MFHAS1: variants seen among roughly 807,000 people sequenced by gnomAD.
MFHAS1 encodes the protein malignant fibrous histiocytoma-amplified sequence 1.
In MFHAS1, 50 loss-of-function variants were observed where a neutral mutation model predicts 70.4. That is an observed-to-expected ratio of 0.71 (90% CI 0.57 to 0.90). The LOEUF is 0.90. MFHAS1 is among the 40% of genes least tolerant of loss of function. MFHAS1 has a pLI of 0.00. For synonymous variants in MFHAS1, 952 were observed against 620.0 expected (o/e 1.54, Z -7.96); for missense variants, 1,795 against 1,347.6 (o/e 1.33, Z -5.20).
intron 1 of MFHAS1, among the ~76,000 whole-genome samples, chr8:8,850,203 C>A (rs1326886297): frequency 2.0e-5 from 3 of 152,200 alleles, no homozygotes; most frequent in East Asian, 1.9e-4. Flanking sequence ...ACCTACACCC[C>A]TTGTAAACTA....
At chr8:8,790,519 T>A in intron 2 of MFHAS1, 1 of 319,906 alleles carries the variant, frequency 3.1e-6, no homozygotes, top group Non-Finnish European at 4.5e-6. Flanking sequence ...CCTAGCTTGT[T>A]AAAACAGCAA....
At chr8:8,835,645 C>A (rs1402007054) in intron 1 of MFHAS1, among the ~76,000 whole-genome samples, 1 of 152,212 alleles carries the variant, frequency 6.6e-6, no homozygotes, top group African/African-American at 2.4e-5. Flanking sequence ...AAGCTTTTCT[C>A]TCTCACTTCC....
intron 2 of MFHAS1, among the ~76,000 whole-genome samples, chr8:8,791,979 C>G (rs564847777): frequency 1.3e-5 from 2 of 152,146 alleles, no homozygotes; most frequent in African/African-American, 4.8e-5. Context: ...CGGTGGCTCA[C>G]GCCTGTAATC....
chr8:8,811,055 G>C (rs1215303608), intron 1 of MFHAS1, among the ~76,000 whole-genome samples: 2 of 151,908 alleles, frequency 1.3e-5, no homozygotes, highest in Non-Finnish European at 2.9e-5. Flanking sequence ...ATAATATCTC[G>C]CGCAGGCAGA....
chr8:8,797,304 A>C (rs1805938546), intron 2 of MFHAS1, 61 bp downstream of exon 2: 7 of 1,583,946 alleles, frequency 4.4e-6, no homozygotes, highest in Admixed American at 1.7e-5. Flanking sequence ...TTTTGTGGTC[A>C]TATCTATGGA....
chr8:8,797,486 A>G lies in MFHAS1; in HGVS notation c.3004T>C (p.Leu1002=). 16 of 1,613,370 alleles carry G rather than the reference A, an allele frequency of 9.9e-6. No homozygotes were observed. Among genetic ancestry groups the G allele is most frequent in the Non-Finnish European group, 1.4e-5 (16 of 1,179,580 alleles). ...SPNPHAFPGE[L]LSQPRPEGVA... Reference sequence around the variant, plus strand: ...CCTTCCGGTCTGGGCTGACTCAGCAACTCCCCTGTAGGAGGAGAGAGAAAA... The same window carrying G: ...CCTTCCGGTCTGGGCTGACTCAGCAGCTCCCCTGTAGGAGGAGAGAGAAAA... Residue 1002 remains leucine, a synonymous_variant, in exon 2 of 3, where the codon TTG becomes CTG. Transcript: ENST00000276282.
intron 1 of MFHAS1, among the ~76,000 whole-genome samples, chr8:8,806,058 C>G (rs997812097): frequency 5.9e-5 from 9 of 152,176 alleles, no homozygotes; most frequent in African/African-American, 2.2e-4. Flanking sequence ...ATCCAATCCT[C>G]TGTAGCATTG....
intron 1 of MFHAS1, among the ~76,000 whole-genome samples, chr8:8,832,104 T>C: frequency 7.4e-6 from 1 of 135,732 alleles, no homozygotes; most frequent in Admixed American, 7.6e-5. Context: ...CAAAGTAACT[T>C]GAAATAGATC....
chr8:8,807,036 G>C (rs554932777), intron 1 of MFHAS1, among the ~76,000 whole-genome samples: 2 of 152,034 alleles, frequency 1.3e-5, no homozygotes, highest in Non-Finnish European at 2.9e-5. Context: ...TATGATGTTG[G>C]GGGTATAGAA....
At chr8:8,871,149 T>C (rs1809060975) in intron 1 of MFHAS1, among the ~76,000 whole-genome samples, 2 of 152,186 alleles carry the variant, frequency 1.3e-5, no homozygotes, top group South Asian at 4.1e-4. Context: ...CTACATGCTG[T>C]GTGCCCCTGG....
intron 1 of MFHAS1, among the ~76,000 whole-genome samples, chr8:8,803,452 G>C (rs1489877672): frequency 6.6e-6 from 1 of 151,324 alleles, no homozygotes; most frequent in African/African-American, 2.4e-5. Context: ...GAGAGGCAGA[G>C]GTTGCAGTGA....
rs985239295 is a variant in MFHAS1, at chr8:8,783,919, A to G, written c.*2103T>C. 1.3e-5 allele frequency: 2 copies of G among 152,178 alleles called. No individual in the cohort carries two copies. Among genetic ancestry groups the G allele is most frequent in the African/African-American group, 4.8e-5 (2 of 41,440 alleles). The allele number at this position is 152,178 out of a possible 1,614,324, so 9.4% of individuals were successfully genotyped here. A position where few individuals can be genotyped will look rare whatever the true frequency, so the allele number is the denominator to read the frequency against. On this transcript the variant is annotated 3_prime_UTR_variant, in exon 3 of 3. Transcript: ENST00000276282. ...TCTTTTGGTCACATGACCCTCGATC[A>G]TGGTAACCCTTTTGCTAAGACACAT...
At chr8:8,820,500 A>G (rs1043433870) in intron 1 of MFHAS1, among the ~76,000 whole-genome samples, 7 of 152,120 alleles carry the variant, frequency 4.6e-5, no homozygotes, top group African/African-American at 1.7e-4. Context: ...CTTGATCTCA[A>G]TGTCTTTCTC....
chr8:8,832,328 G>C (rs891093136), intron 1 of MFHAS1, among the ~76,000 whole-genome samples: 1 of 151,684 alleles, frequency 6.6e-6, no homozygotes, highest in Admixed American at 6.6e-5. Flanking sequence ...ATCTGGCAAA[G>C]GACTTGTTTC....
intron 1 of MFHAS1, among the ~76,000 whole-genome samples, chr8:8,799,431 G>A (rs1006899061): frequency 3.3e-5 from 5 of 152,190 alleles, no homozygotes; most frequent in East Asian, 1.9e-4. Flanking sequence ...ATCTGCTGAC[G>A]TATAATGATA....
At position 8,866,675 on chromosome 8, in the gene MFHAS1, G is replaced by A. The variant is rs201013350; in HGVS notation, c.2998+23386C>T. On this transcript the variant is annotated intron_variant, in intron 1 of 2. Coordinates refer to ENST00000276282, the MANE Select transcript of MFHAS1 (RefSeq NM_004225.3). ...ATCCGTGATACAAAATGGCCACTGA[G>A]TCCCTTCTCTCTCCCCAGTCTCTTA... 3.3e-5 allele frequency among the ~76,000 whole-genome samples: 5 copies of A among 152,252 alleles called. No homozygotes were observed. In the East Asian group the frequency reaches 9.6e-4, roughly 29 times the overall value.
chr8:8,843,513 T>G (rs543446771), intron 1 of MFHAS1, among the ~76,000 whole-genome samples: 16 of 152,186 alleles, frequency 1.1e-4, no homozygotes, highest in Non-Finnish European at 1.8e-4. Context: ...CCCAGGAGGT[T>G]AAGGCCGTAG....
chr8:8,832,439 A>G (rs983153633), intron 1 of MFHAS1, among the ~76,000 whole-genome samples: 1 of 151,140 alleles, frequency 6.6e-6, no homozygotes, highest in African/African-American at 2.4e-5. Flanking sequence ...ACACACACAC[A>G]CACACACACA....
chr8:8,835,148 T>A (rs530366574), intron 1 of MFHAS1, among the ~76,000 whole-genome samples: 3 of 151,526 alleles, frequency 2.0e-5, no homozygotes, highest in African/African-American at 7.3e-5. Context: ...TGTTCGAGGG[T>A]GAGCATTAGG....
Sources: gnomAD v4.1 joint callset for allele counts (sites outside exome capture counted in the v4.1 genomes callset) on GRCh38, gnomAD v4.1.1 for gene constraint, MANE v1.5 for transcripts, NCBI Gene and HGNC (gene_info 2026-07-23, HGNC 2026-07-21) for gene names.